SLC41A2: variants seen among roughly 807,000 people sequenced by gnomAD.
The protein encoded by SLC41A2 is solute carrier family 41 member 2.
A neutral mutation model predicts 58.3 loss-of-function variants in SLC41A2; 32 were observed. The observed-to-expected ratio is 0.55, with a 90% CI of 0.41 to 0.74. SLC41A2 has a LOEUF of 0.74. SLC41A2 is among the 30% of genes least tolerant of loss of function. The probability of loss-of-function intolerance (pLI) is 0.00; values close to 1 mark genes in which losing one functional copy is unlikely to be tolerated. For synonymous variants in SLC41A2, 190 were observed against 235.0 expected (o/e 0.81, Z 1.75); for missense variants, 514 against 680.6 (o/e 0.76, Z 2.72).
chr12:104,869,947 T>C (rs2043676627), intron 6 of SLC41A2, among the ~76,000 whole-genome samples: 1 of 152,148 alleles, frequency 6.6e-6, no homozygotes, highest in Non-Finnish European at 1.5e-5. Flanking sequence ...TGAAACACAT[T>C]TAAAAGATCC....
intron 10 of SLC41A2, among the ~76,000 whole-genome samples, chr12:104,810,734 T>G (rs2041137401): frequency 6.6e-6 from 1 of 152,084 alleles, no homozygotes; most frequent in Admixed American, 6.6e-5. Flanking sequence ...GTCGGAGAGG[T>G]TAAGTGGCTA....
chr12:104,913,503 C>T (rs1456809601), intron 2 of SLC41A2, among the ~76,000 whole-genome samples: 1 of 152,210 alleles, frequency 6.6e-6, no homozygotes, highest in African/African-American at 2.4e-5. Flanking sequence ...GGCCAGTCTA[C>T]ATGGGACTCA....
At chr12:104,918,812 T>C (rs1044523681) in intron 2 of SLC41A2, among the ~76,000 whole-genome samples, 1 of 152,124 alleles carries the variant, frequency 6.6e-6, no homozygotes, top group East Asian at 1.9e-4. Flanking sequence ...TAATTGTAGA[T>C]TCACATGCAG....
chr12:104,888,097 T>A (rs962752016), intron 5 of SLC41A2, among the ~76,000 whole-genome samples: 1 of 152,042 alleles, frequency 6.6e-6, no homozygotes, highest in Non-Finnish European at 1.5e-5. Flanking sequence ...GCATAATTAT[T>A]TTTGTACCAA....
chr12:104,862,306 G>C (rs563436081), intron 7 of SLC41A2, among the ~76,000 whole-genome samples: 1 of 152,082 alleles, frequency 6.6e-6, no homozygotes, highest in African/African-American at 2.4e-5. Flanking sequence ...AACTGTGGGC[G>C]TTCTCATTAA....
At chr12:104,823,912 G>GT (rs936798918) in intron 10 of SLC41A2, among the ~76,000 whole-genome samples, 1 of 152,128 alleles carries the variant, frequency 6.6e-6, no homozygotes, top group African/African-American at 2.4e-5. Flanking sequence ...GATTTTAGCT[G>GT]TTTTTGTCAC....
chr12:104,832,317 T>C (rs2042065879), intron 10 of SLC41A2, among the ~76,000 whole-genome samples: 1 of 152,226 alleles, frequency 6.6e-6, no homozygotes, highest in South Asian at 2.1e-4. Flanking sequence ...GTTTCTTTAA[T>C]GCCAATCCAG....
intron 6 of SLC41A2, among the ~76,000 whole-genome samples, chr12:104,873,389 A>G (rs2043883909): frequency 6.6e-6 from 1 of 152,190 alleles, no homozygotes; most frequent in African/African-American, 2.4e-5. Flanking sequence ...GAACAATATT[A>G]CATTGTATAT....
chr12:104,840,622 C>CCA (rs2042377820), intron 10 of SLC41A2, among the ~76,000 whole-genome samples: 1 of 152,188 alleles, frequency 6.6e-6, no homozygotes, highest in Non-Finnish European at 1.5e-5. Flanking sequence ...ACTCTGATTG[C>CCA]TCTTGGGGAC....
intron 1 of SLC41A2, among the ~76,000 whole-genome samples, chr12:104,954,636 A>G (rs1178712784): frequency 6.6e-6 from 1 of 152,260 alleles, no homozygotes; most frequent in African/African-American, 2.4e-5. Flanking sequence ...AGTTAAAACA[A>G]AGTAAAAACA....
chr12:104,852,514 AT>A (rs2042839101), intron 8 of SLC41A2, among the ~76,000 whole-genome samples: 1 of 152,184 alleles, frequency 6.6e-6, no homozygotes, highest in East Asian at 1.9e-4. Context: ...TACTTTTATC[AT>A]TTCTTTGTTA....
chr12:104,954,273 A>AT (rs2048065150), intron 1 of SLC41A2, among the ~76,000 whole-genome samples: 1 of 152,240 alleles, frequency 6.6e-6, no homozygotes, highest in Admixed American at 6.5e-5. Flanking sequence ...TTAAAATAGA[A>AT]TAACTGACAG....
At chr12:104,898,861 G>T (rs2135721177) in intron 3 of SLC41A2, among the ~76,000 whole-genome samples, 1 of 152,182 alleles carries the variant, frequency 6.6e-6, no homozygotes, top group Admixed American at 6.5e-5. Context: ...CATACAAATG[G>T]CAAATAAGCA....
At chr12:104,853,059 C>T (rs2042860124) in intron 8 of SLC41A2, among the ~76,000 whole-genome samples, 1 of 152,110 alleles carries the variant, frequency 6.6e-6, no homozygotes, top group Non-Finnish European at 1.5e-5. Flanking sequence ...TCAGTATCCA[C>T]AAGACAGAAT....
At chr12:104,859,182 G>A (rs1220346199) in intron 8 of SLC41A2, among the ~76,000 whole-genome samples, 1 of 152,106 alleles carries the variant, frequency 6.6e-6, no homozygotes, top group East Asian at 1.9e-4. Flanking sequence ...GCATGTCTTT[G>A]GGAAACAATG....
At chr12:104,935,769 CAG>C (rs1461428119) in intron 1 of SLC41A2, among the ~76,000 whole-genome samples, 1 of 152,118 alleles carries the variant, frequency 6.6e-6, no homozygotes, top group Non-Finnish European at 1.5e-5. Flanking sequence ...AGCCCAGGTG[CAG>C]AGAGCTCACG....
intron 3 of SLC41A2, among the ~76,000 whole-genome samples, chr12:104,908,070 G>A (rs1240466575): frequency 6.6e-6 from 1 of 152,034 alleles, no homozygotes; most frequent in Non-Finnish European, 1.5e-5. Flanking sequence ...TTCGAGACCA[G>A]CCTGGCCAAC....
At chr12:104,854,232 C>G (rs528987501) in intron 8 of SLC41A2, among the ~76,000 whole-genome samples, 1 of 151,864 alleles carries the variant, frequency 6.6e-6, no homozygotes, top group African/African-American at 2.4e-5. Context: ...TTGATTCAAA[C>G]GGCTCCTTCA....
rs78113866 is a variant in SLC41A2, at chr12:104,843,194, A to T, written c.1536+1278T>A. The stretch of plus-strand genomic sequence containing the variant: ...AAACTCAGTACTTACATTATAGTAC[A>T]TTATAATTATTTTTTCGTATAGTGG... On this transcript the variant is annotated intron_variant, in intron 10 of 10. Transcript: ENST00000258538. Among the ~76,000 whole-genome samples, 892 of 152,104 alleles carry T rather than the reference A, an allele frequency of 5.9e-3. 16 individuals are homozygous for T. Among genetic ancestry groups the T allele is most frequent in the African/African-American group, 0.02 (839 of 41,518 alleles).
Sources: allele counts gnomAD v4.1 joint callset (sites outside exome capture counted in the v4.1 genomes callset), GRCh38; gene constraint gnomAD v4.1.1; transcripts MANE v1.5; gene names NCBI Gene and HGNC (gene_info 2026-07-23, HGNC 2026-07-21).